SETBP1: variants seen among roughly 807,000 people sequenced by gnomAD.
SETBP1 encodes SET binding protein 1.
SETBP1 carries 9 observed loss-of-function variants against 101.0 expected under a neutral mutation model. That is an observed-to-expected ratio of 0.09 (90% CI 0.05 to 0.16). SETBP1 has a LOEUF of 0.16. Among genes scored for constraint, SETBP1 ranks in the 10% least tolerant of loss-of-function variants. SETBP1 has a pLI of 1.00. For synonymous variants in SETBP1, 818 were observed against 788.5 expected (o/e 1.04, Z -0.63); for missense variants, 1,858 against 2,033.8 (o/e 0.91, Z 1.66).
chr18:44,889,439 C>T (rs946603589), intron 3 of SETBP1, among the ~76,000 whole-genome samples: 13 of 152,130 alleles, frequency 8.5e-5, no homozygotes, highest in Admixed American at 7.2e-4. Flanking sequence ...TGATTCCCTG[C>T]AGAGTTCAGT....
chr18:44,937,235 G>A (rs1187359214), intron 3 of SETBP1, among the ~76,000 whole-genome samples: 2 of 151,802 alleles, frequency 1.3e-5, no homozygotes, highest in East Asian at 3.9e-4. Context: ...GGCGGATCAC[G>A]AGGTTAGGAG....
rs537701174 is a variant in SETBP1, at chr18:44,761,431, T to C, written c.486+59599T>C. On this transcript the variant is annotated intron_variant, in intron 2 of 5. Transcript: ENST00000649279. ...CTTTACTGGTCCCCTCTCCCACATT[T>C]TAATTTTACTGATAAATAAAACTAA... Among the ~76,000 whole-genome samples, 67 of 152,338 alleles carry C rather than the reference T, an allele frequency of 4.4e-4. No individual in the cohort carries two copies. In the Middle Eastern group the frequency reaches 0.027, roughly 62 times the overall value.
At chr18:44,881,832 G>T (rs1195463564) in intron 3 of SETBP1, among the ~76,000 whole-genome samples, 1 of 152,146 alleles carries the variant, frequency 6.6e-6, no homozygotes, top group Non-Finnish European at 1.5e-5. Flanking sequence ...TGGGTTTGGT[G>T]GTTCTAGTAA....
At chr18:44,936,229 A>G (rs554810061) in intron 3 of SETBP1, among the ~76,000 whole-genome samples, 91 of 152,238 alleles carry the variant, frequency 6.0e-4, no homozygotes, top group African/African-American at 2.1e-3. Flanking sequence ...CAGGGAGGGC[A>G]GAGGCTGCTG....
intron 5 of SETBP1, among the ~76,000 whole-genome samples, chr18:45,045,127 A>T (rs1252311731): frequency 1.3e-5 from 2 of 152,018 alleles, no homozygotes; most frequent in Non-Finnish European, 2.9e-5. Context: ...ACTAAAAAAA[A>T]AAATAAAAAA....
At chr18:45,052,708 C>T (rs1177632497) in intron 5 of SETBP1, among the ~76,000 whole-genome samples, 1 of 152,134 alleles carries the variant, frequency 6.6e-6, no homozygotes, top group Non-Finnish European at 1.5e-5. Context: ...GTGTGAATTG[C>T]TTGTTGTTTT....
At chr18:45,038,738 A>C in intron 5 of SETBP1, 83 bp downstream of exon 5, 1 of 1,448,466 alleles carries the variant, frequency 6.9e-7, no homozygotes. Flanking sequence ...TGTTGAATAC[A>C]GGTAAGAGTT....
rs1345581151 is a variant in SETBP1, at chr18:44,899,262, C to T, written c.540+29979C>T. 5.3e-5 allele frequency among the ~76,000 whole-genome samples: 8 copies of T among 152,050 alleles called. No homozygotes were observed. In the East Asian group the frequency reaches 1.5e-3, roughly 29 times the overall value. ...GATATTCTCTAAATATTCTCTAGAA[C>T]AAAGGAAGTAAATTTTTAAATAAAT... On this transcript the variant is annotated intron_variant, in intron 3 of 5. Coordinates refer to ENST00000649279, the MANE Select transcript of SETBP1 (RefSeq NM_015559.3).
intron 2 of SETBP1, among the ~76,000 whole-genome samples, chr18:44,786,494 G>A (rs913272160): frequency 6.6e-6 from 1 of 152,142 alleles, no homozygotes; most frequent in South Asian, 2.1e-4. Flanking sequence ...GAAGTCACTG[G>A]CCAAAGAAAA....
intron 3 of SETBP1, among the ~76,000 whole-genome samples, chr18:44,933,492 C>A (rs1001357846): frequency 6.6e-6 from 1 of 152,226 alleles, no homozygotes; most frequent in East Asian, 1.9e-4. Flanking sequence ...CAGACAGGGA[C>A]GTTTAAGTCT....
chr18:44,746,469 A>G (rs541064388), intron 2 of SETBP1, among the ~76,000 whole-genome samples: 24 of 152,340 alleles, frequency 1.6e-4, no homozygotes, highest in Non-Finnish European at 2.5e-4. Context: ...GAAAAAGAAC[A>G]TATTTTTTAA....
At chr18:45,051,380 G>A (rs2073718340) in intron 5 of SETBP1, among the ~76,000 whole-genome samples, 1 of 152,142 alleles carries the variant, frequency 6.6e-6, no homozygotes, top group African/African-American at 2.4e-5. Context: ...CACTCAGAAT[G>A]TGAATGTATA....
intron 3 of SETBP1, among the ~76,000 whole-genome samples, chr18:44,938,613 T>C (rs923210391): frequency 6.6e-6 from 1 of 152,106 alleles, no homozygotes; most frequent in African/African-American, 2.4e-5. Flanking sequence ...AGTGTTAACT[T>C]TGATTTGTGA....
At chr18:44,855,701 C>T (rs1237347917) in intron 2 of SETBP1, among the ~76,000 whole-genome samples, 1 of 152,216 alleles carries the variant, frequency 6.6e-6, no homozygotes, top group Non-Finnish European at 1.5e-5. Flanking sequence ...GTGATTCCCC[C>T]ACCCAGAGAG....
At position 44,950,585 on chromosome 18, in the gene SETBP1, C is replaced by T. The variant is rs2145096617; in HGVS notation, c.1245C>T (p.Asn415=). The part of the protein sequence containing the change: ...PIKAPSLDPT[N]HKRKKRQSIK... ...AGGCACCCTCTCTGGATCCAACCAA[C>T]CATAAGAGGAAAAAAAGACAGTCCA... The change falls in exon 4 of 6, where the codon AAC becomes AAT. Residue 415 remains asparagine (N), a synonymous_variant. Transcript: ENST00000649279. The T allele has an allele frequency of 2.5e-6, 4 of 1,613,936 alleles. No individual in the cohort carries two copies. The highest frequency in any genetic ancestry group is 1.3e-5 in the African/African-American group (1 of 74,976).
At chr18:44,983,885 C>A (rs1027892593) in intron 4 of SETBP1, among the ~76,000 whole-genome samples, 3 of 152,176 alleles carry the variant, frequency 2.0e-5, no homozygotes, top group Non-Finnish European at 1.5e-5. Context: ...CCTGACCTGG[C>A]CATCTTAGAA....
chr18:45,017,913 A>G (rs1003333257), intron 4 of SETBP1, among the ~76,000 whole-genome samples: 2 of 152,230 alleles, frequency 1.3e-5, no homozygotes, highest in South Asian at 2.1e-4. Context: ...GGAAAATCAC[A>G]TGAAAGTCCT....
intron 4 of SETBP1, among the ~76,000 whole-genome samples, chr18:45,017,394 G>C (rs1425476502): frequency 3.9e-5 from 6 of 152,126 alleles, no homozygotes; most frequent in Non-Finnish European, 7.4e-5. Context: ...GCCTCTTTTG[G>C]CAGGAAAATG....
intron 4 of SETBP1, chr18:44,988,940 G>C (rs568772999): frequency 1.3e-5 from 2 of 152,246 alleles, no homozygotes; most frequent in South Asian, 4.1e-4. Context: ...AATTCTCCTG[G>C]TTTGGTGGAA....
Sources: allele counts gnomAD v4.1 joint callset (sites outside exome capture counted in the v4.1 genomes callset), GRCh38; gene constraint gnomAD v4.1.1; transcripts MANE v1.5; gene names NCBI Gene and HGNC (gene_info 2026-07-23, HGNC 2026-07-21).